GFRA2: variants seen among roughly 807,000 people sequenced by gnomAD.
GFRA2 encodes GDNF family receptor alpha-2.
In GFRA2, 17 loss-of-function variants were observed where a neutral mutation model predicts 48.3. That is an observed-to-expected ratio of 0.35 (90% CI 0.24 to 0.53). The LOEUF (loss-of-function observed/expected upper bound fraction) is 0.53, where lower values mean the gene tolerates loss of function less well. Among genes scored for constraint, GFRA2 ranks in the 20% least tolerant of loss-of-function variants. The probability of loss-of-function intolerance (pLI) is 0.93; values close to 1 mark genes in which losing one functional copy is unlikely to be tolerated. For synonymous variants in GFRA2, 305 were observed against 257.2 expected (o/e 1.19, Z -1.78); for missense variants, 660 against 637.3 (o/e 1.04, Z -0.38).
intron 2 of GFRA2, among the ~76,000 whole-genome samples, chr8:21,777,946 G>A (rs1050837072): frequency 6.6e-6 from 1 of 152,142 alleles, no homozygotes; most frequent in Non-Finnish European, 1.5e-5. Flanking sequence ...CATGTCTTGC[G>A]GTCACATTCC....
intron 3 of GFRA2, among the ~76,000 whole-genome samples, chr8:21,770,725 C>T (rs113588627): frequency 0.063 from 9,525 of 151,396 alleles, 306 homozygotes; most frequent in Non-Finnish European, 0.073. Flanking sequence ...GTCCTTTAGG[C>T]ATGGGCCCAG....
Position 21,788,422 on chromosome 8 carries a change from A to T in GFRA2, c.-263T>A, listed in dbSNP as rs1032006987. ...CAATCAAATATACGCGTATCTGTGT[A>T]TCGGCTTTCTAAGCCAACAGCCCAG... On this transcript the variant is annotated 5_prime_UTR_variant, in exon 1 of 9. Coordinates refer to ENST00000524240, the MANE Select transcript of GFRA2 (RefSeq NM_001495.5). The T allele has an allele frequency of 1.3e-5, 16 of 1,255,460 alleles. No homozygotes were observed. The African/African-American group carries it at 2.4e-4, about 19-fold the overall frequency. The allele number at this position is 1,255,460 out of a possible 1,614,324, so 77.8% of individuals were successfully genotyped here.
intron 7 of GFRA2, among the ~76,000 whole-genome samples, chr8:21,695,256 C>G (rs1217580234): frequency 2.6e-5 from 4 of 152,150 alleles, no homozygotes. Context: ...GATGAACGGC[C>G]CTCTGTTATC....
chr8:21,799,662 G>C (rs1319324364), intron 2 of GFRA2, among the ~76,000 whole-genome samples: 2 of 152,154 alleles, frequency 1.3e-5, no homozygotes, highest in Non-Finnish European at 2.9e-5. Flanking sequence ...TTACCTGTTA[G>C]CAGTGTGATC....
intron 4 of GFRA2, among the ~76,000 whole-genome samples, chr8:21,732,244 T>C (rs1205720647): frequency 6.6e-6 from 1 of 152,206 alleles, no homozygotes; most frequent in Non-Finnish European, 1.5e-5. Flanking sequence ...AAACAGGACT[T>C]TGAGGTCAGG....
intron 2 of GFRA2, among the ~76,000 whole-genome samples, chr8:21,801,333 G>A (rs1388582964): frequency 5.8e-4 from 89 of 152,264 alleles, no homozygotes; most frequent in African/African-American, 2.0e-3. Context: ...GGCTAATGTT[G>A]TGCTTGCTAA....
At chr8:21,805,650 G>A (rs1336421389) in intron 1 of GFRA2, among the ~76,000 whole-genome samples, 1 of 152,136 alleles carries the variant, frequency 6.6e-6, no homozygotes, top group African/African-American at 2.4e-5. Context: ...GAGTCGTAAA[G>A]CAATTTGGCC....
rs555573840 is a variant in GFRA2 at position 21,781,238 on chromosome 8, C to T, written c.355+1347G>A. Among the ~76,000 whole-genome samples, 12 of 152,300 alleles carry T rather than the reference C, an allele frequency of 7.9e-5. No individual in the cohort carries two copies. The East Asian group carries it at 2.1e-3, about 27-fold the overall frequency. ...TAATCTACTCTCTCCACTGGAACCA[C>T]AGAAGCATTTTGCTGAAGCACAGAT... On this transcript the variant is annotated intron_variant, in intron 2 of 8. Coordinates refer to ENST00000524240, the MANE Select transcript of GFRA2 (RefSeq NM_001495.5).
At chr8:21,772,488 G>T (rs1027660167) in intron 3 of GFRA2, among the ~76,000 whole-genome samples, 2 of 152,098 alleles carry the variant, frequency 1.3e-5, no homozygotes, top group Admixed American at 6.5e-5. Context: ...TTGGTTTCTT[G>T]GTAGCAGGGC....
At chr8:21,744,700 T>C (rs539894501) in intron 4 of GFRA2, among the ~76,000 whole-genome samples, 27 of 152,278 alleles carry the variant, frequency 1.8e-4, no homozygotes, top group African/African-American at 6.0e-4. Flanking sequence ...TCCAGCCAAA[T>C]GCCATGGATG....
chr8:21,777,551 G>C (rs7815914), intron 2 of GFRA2, among the ~76,000 whole-genome samples: 68,915 of 152,084 alleles, frequency 0.45, 16,859 homozygotes, highest in African/African-American at 0.62. Flanking sequence ...GCCAGAATGT[G>C]AGATTCTGGG....
At chr8:21,764,833 C>A (rs1360219488) in intron 3 of GFRA2, among the ~76,000 whole-genome samples, 1 of 152,204 alleles carries the variant, frequency 6.6e-6, no homozygotes, top group Non-Finnish European at 1.5e-5. Context: ...TGACCACTAC[C>A]CAGCCCCCTA....
At chr8:21,804,830 G>A (rs1196476501) in intron 2 of GFRA2, among the ~76,000 whole-genome samples, 3 of 152,080 alleles carry the variant, frequency 2.0e-5, no homozygotes, top group Non-Finnish European at 4.4e-5. Flanking sequence ...CGGCCTCATT[G>A]GTGAATGGCC....
chr8:21,770,513 C>A (rs1483769313), intron 3 of GFRA2, among the ~76,000 whole-genome samples: 2 of 152,200 alleles, frequency 1.3e-5, no homozygotes, highest in African/African-American at 2.4e-5. Context: ...TCCCTCTGGG[C>A]CTCAGTTTCC....
chr8:21,774,744 C>A (rs1806610103), intron 3 of GFRA2, among the ~76,000 whole-genome samples: 2 of 152,186 alleles, frequency 1.3e-5, no homozygotes, highest in Non-Finnish European at 2.9e-5. Flanking sequence ...ATGACAGCCA[C>A]CTGGCCAGGC....
At chr8:21,695,953 T>G (rs1174127652) in intron 7 of GFRA2, among the ~76,000 whole-genome samples, 1 of 152,092 alleles carries the variant, frequency 6.6e-6, no homozygotes, top group African/African-American at 2.4e-5. Context: ...GTTTCAGGTG[T>G]GGCAGGCCAG....
At chr8:21,730,132 C>T (rs1028873316) in intron 4 of GFRA2, among the ~76,000 whole-genome samples, 53 of 152,174 alleles carry the variant, frequency 3.5e-4, no homozygotes, top group African/African-American at 9.6e-4. Context: ...CGGCCAGGCG[C>T]GGTGGCTCGC....
At chr8:21,784,823 G>A (rs1807189021) in intron 1 of GFRA2, among the ~76,000 whole-genome samples, 1 of 152,148 alleles carries the variant, frequency 6.6e-6, no homozygotes, top group South Asian at 2.1e-4. Flanking sequence ...TGGCTGGAGA[G>A]CTGTCCTCCA....
At chr8:21,762,781 G>A (rs1805974300) in intron 3 of GFRA2, among the ~76,000 whole-genome samples, 1 of 152,080 alleles carries the variant, frequency 6.6e-6, no homozygotes, top group Non-Finnish European at 1.5e-5. Context: ...CCGCTTTTGA[G>A]TGGCCTATTT....
Sources: allele counts gnomAD v4.1 joint callset (sites outside exome capture counted in the v4.1 genomes callset), GRCh38; gene constraint gnomAD v4.1.1; transcripts MANE v1.5; gene names NCBI Gene and HGNC (gene_info 2026-07-23, HGNC 2026-07-21).